The following ANKS1A variants were observed in gnomAD, a reference collection of about 807,000 sequenced individuals.
The protein encoded by ANKS1A is ankyrin repeat and sterile alpha motif domain containing 1A.
A neutral mutation model predicts 120.3 loss-of-function variants in ANKS1A; 55 were observed. That is an observed-to-expected ratio of 0.46 (90% CI 0.37 to 0.57). The LOEUF (loss-of-function observed/expected upper bound fraction) is 0.57. Among genes scored for constraint, ANKS1A ranks in the 20% least tolerant of loss-of-function variants. The probability of loss-of-function intolerance (pLI) is 0.00; values close to 1 mark genes in which losing one functional copy is unlikely to be tolerated. For missense variants in ANKS1A, 1,123 were observed against 1,480.3 expected (o/e 0.76, Z 3.96); for synonymous variants, 590 against 604.7 (o/e 0.98, Z 0.36).
At chr6:34,921,898 G>A in intron 1 of ANKS1A, among the ~76,000 whole-genome samples, 1 of 152,088 alleles carries the variant, frequency 6.6e-6, no homozygotes, top group East Asian at 1.9e-4. Flanking sequence ...GTCTCGCTAT[G>A]TTGCCCAGGC....
In ANKS1A at chr6:34,989,301, C is replaced by G; in HGVS notation, c.1287C>G (p.Pro429=). ...EEDHIDKKYF[P]LTASEVLSMR... ...ACCACATAGATAAGAAGTATTTTCC[C>G]TTGACAGCTTCTGAGGTAGAGGGTT... The change falls in exon 9 of 24, where the codon CCC becomes CCG. Residue 429 remains proline (P), a synonymous_variant. Transcript: ENST00000360359. 1 of 1,613,794 alleles carries G rather than the reference C, an allele frequency of 6.2e-7. No individual in the cohort carries two copies. The highest frequency in any genetic ancestry group is 1.3e-5 in the African/African-American group (1 of 75,046).
In ANKS1A at chr6:35,091,158, G is replaced by GTATT; in HGVS notation, c.*2551_*2554dup. On this transcript the variant is annotated 3_prime_UTR_variant, in exon 24 of 24. Coordinates refer to ENST00000360359, the MANE Select transcript of ANKS1A (RefSeq NM_015245.3). The stretch of plus-strand genomic sequence containing the variant: ...AAAATGTTATTTAATCTTTGTCTCT[G>GTATT]TATTTTGATACTTGAATGACTTTCC... 1 of 985,852 alleles carries GTATT rather than the reference G, an allele frequency of 1.0e-6. No individual in the cohort carries two copies. The highest frequency in any genetic ancestry group is 1.2e-6 in the Non-Finnish European group (1 of 829,936). 61.1% of individuals were successfully genotyped at this position (985,852 alleles called of 1,614,324 possible).
intron 12 of ANKS1A, among the ~76,000 whole-genome samples, chr6:35,054,914 T>C (rs1163971121): frequency 2.6e-5 from 4 of 152,218 alleles, no homozygotes; most frequent in Non-Finnish European, 4.4e-5. Flanking sequence ...CACTGGGGCA[T>C]CCAGGCTGAA....
intron 1 of ANKS1A, among the ~76,000 whole-genome samples, chr6:34,934,390 C>T (rs1026709512): frequency 2.8e-4 from 42 of 152,130 alleles, no homozygotes; most frequent in African/African-American, 9.7e-4. Context: ...CCTTGTGATC[C>T]GCCCGCCTCG....
chr6:35,087,000 T>TC lies in ANKS1A; in HGVS notation c.3354dup (p.Trp1119LeufsTer10), dbSNP rs1296358828. The TC allele has an allele frequency of 6.2e-7, 1 of 1,614,180 alleles. No homozygotes were observed. Among genetic ancestry groups the TC allele is most frequent in the Non-Finnish European group, 8.5e-7 (1 of 1,180,018 alleles). On this transcript the variant is annotated frameshift_variant, in exon 23 of 24. Coordinates refer to ENST00000360359, the MANE Select transcript of ANKS1A (RefSeq NM_015245.3). LOFTEE classifies it high-confidence loss of function. The surrounding 1 kb of genome is among the most constrained non-coding windows in gnomAD (Gnocchi z 5.1). ...AGATGCCCAATCCCATGCCAGTGTCTCCTGGGTTGTGGACCCCAAACCAGA... is the reference window on the plus strand; with the variant it reads ...AGATGCCCAATCCCATGCCAGTGTCTCCCTGGGTTGTGGACCCCAAACCAGA...
intron 23 of ANKS1A, among the ~76,000 whole-genome samples, chr6:35,087,998 C>T (rs1042930372): frequency 6.6e-6 from 1 of 152,254 alleles, no homozygotes; most frequent in Non-Finnish European, 1.5e-5. Context: ...CCTGCACACA[C>T]GGCGCACCTT....
chr6:35,087,119 C>T (rs567393061), intron 23 of ANKS1A, 70 bp downstream of exon 23: 15 of 1,469,552 alleles, frequency 1.0e-5, no homozygotes, highest in East Asian at 9.1e-5. Context: ...CTTTGCCATC[C>T]GATCTTTCTG....
chr6:35,051,202 A>G (rs1775945621), intron 11 of ANKS1A, among the ~76,000 whole-genome samples: 1 of 152,040 alleles, frequency 6.6e-6, no homozygotes, highest in African/African-American at 2.4e-5. Flanking sequence ...TCAAAGAAAA[A>G]AAAAAGAAAA....
chr6:35,085,934 G>A lies in ANKS1A; in HGVS notation c.3301G>A (p.Ala1101Thr), dbSNP rs143845391. ...PKPRVGVRKS[A>T]LEPPDMDQDA... Reference sequence around the variant, plus strand: ...GCCTCGGGTCGGCGTGAGGAAATCCGCAGTACGTGGGCCCCACTGGCCAAG... The same window carrying A: ...GCCTCGGGTCGGCGTGAGGAAATCCACAGTACGTGGGCCCCACTGGCCAAG... The change falls in exon 22 of 24, where the codon GCA (alanine) becomes ACA (threonine). Residue 1101 changes from alanine (A) to threonine (T), a missense_variant and splice_region_variant. Physicochemically the swap from Ala to Thr is moderately conservative, Grantham distance 58. Around this residue, in one of 3 missense-constraint regions of ANKS1A, gnomAD observed 904 missense variants for 1,130.4 expected, o/e 0.80. Transcript: ENST00000360359. This position sits in a 1 kb window ranked among gnomAD's most constrained non-coding sequence, Gnocchi z 4.7. 59 of 1,600,022 alleles carry A rather than the reference G, an allele frequency of 3.7e-5. No homozygotes were observed. Among genetic ancestry groups the A allele is most frequent in the Admixed American group, 6.8e-5 (4 of 59,156 alleles).
At position 35,082,732 on chromosome 6, in the gene ANKS1A, C is replaced by T; in HGVS notation, c.2751C>T (p.Ser917=). ...REAKLTLRPP[S]LAAPYAPVQS... ...CCAAGCTGACCCTGCGGCCCCCGAG[C>T]CTGGCAGCCCCCTACGCCCCAGTGC... The change falls in exon 18 of 24, where the codon AGC becomes AGT. Residue 917 remains serine, a synonymous_variant. Coordinates refer to ENST00000360359, the MANE Select transcript of ANKS1A (RefSeq NM_015245.3). The surrounding 1 kb of genome is among the most constrained non-coding windows in gnomAD (Gnocchi z 4.1). The T allele has an allele frequency of 6.2e-7, 1 of 1,613,572 alleles. No individual in the cohort carries two copies. The highest frequency in any genetic ancestry group is 8.5e-7 in the Non-Finnish European group (1 of 1,179,742).
intron 11 of ANKS1A, among the ~76,000 whole-genome samples, chr6:35,034,747 C>G (rs1239926267): frequency 6.6e-6 from 1 of 152,164 alleles, no homozygotes; most frequent in Non-Finnish European, 1.5e-5. Flanking sequence ...AATAAAACAT[C>G]ATAAATCTGA....
In ANKS1A at chr6:35,085,754, G is replaced by A; in HGVS notation, c.3133-12G>A. ...GAACCAGGTGCTTAAGTGGTGATCT[G>A]CTTCCTCCCAGAACCTGACCTACGA... On this transcript the variant is annotated splice_polypyrimidine_tract_variant and intron_variant, in intron 21 of 23. Transcript: ENST00000360359. The surrounding 1 kb of genome is among the most constrained non-coding windows in gnomAD (Gnocchi z 4.7). 1 of 1,570,406 alleles carries A rather than the reference G, an allele frequency of 6.4e-7. No individual in the cohort carries two copies. Among genetic ancestry groups the A allele is most frequent in the Non-Finnish European group, 8.6e-7 (1 of 1,158,408 alleles).
At chr6:34,915,202 C>T (rs545027226) in intron 1 of ANKS1A, among the ~76,000 whole-genome samples, 49 of 152,178 alleles carry the variant, frequency 3.2e-4, no homozygotes, top group Non-Finnish European at 6.3e-4. Context: ...AAGGCCATGT[C>T]TGTTTGTTTT....
At chr6:34,969,820 C>T (rs1561879023) in intron 2 of ANKS1A, among the ~76,000 whole-genome samples, 190 bp from the exon 3 acceptor site, 2 of 152,192 alleles carry the variant, frequency 1.3e-5, no homozygotes, top group Non-Finnish European at 2.9e-5. Context: ...CAAGGTGGTT[C>T]TGCTGCATAT....
chr6:34,944,510 G>T (rs1769689675), intron 1 of ANKS1A, among the ~76,000 whole-genome samples: 1 of 152,038 alleles, frequency 6.6e-6, no homozygotes, highest in Non-Finnish European at 1.5e-5. Context: ...CATCTTCTTT[G>T]GTGAGGTGTC....
At chr6:35,008,249 C>T (rs1773564178) in intron 10 of ANKS1A, among the ~76,000 whole-genome samples, 1 of 151,862 alleles carries the variant, frequency 6.6e-6, no homozygotes, top group Non-Finnish European at 1.5e-5. Context: ...GGGTCTCGCT[C>T]CATTGCTAGG....
chr6:34,937,184 A>T (rs1276702709), intron 1 of ANKS1A, among the ~76,000 whole-genome samples: 1 of 152,052 alleles, frequency 6.6e-6, no homozygotes, highest in Non-Finnish European at 1.5e-5. Context: ...GAATGCTTGG[A>T]TTCTGGTGGG....
intron 1 of ANKS1A, among the ~76,000 whole-genome samples, chr6:34,912,246 C>A (rs984803132): frequency 6.6e-6 from 1 of 152,132 alleles, no homozygotes; most frequent in African/African-American, 2.4e-5. Context: ...TTCACAGTTT[C>A]TTGTTTATTT....
chr6:35,083,059 G>T, intron 18 of ANKS1A, 96 bp from the exon 19 acceptor site: 1 of 1,466,004 alleles, frequency 6.8e-7, no homozygotes, highest in South Asian at 1.2e-5. Flanking sequence ...ATTGAGAGGG[G>T]TAACTACTTG....
Sources: gnomAD v4.1 joint callset for allele counts (sites outside exome capture counted in the v4.1 genomes callset) on GRCh38, gnomAD v4.1.1 for gene constraint, gnomAD v4.1.1 regional missense constraint, Gnocchi (gnomAD v3.1) non-coding constraint, MANE v1.5 for transcripts, NCBI Gene and HGNC (gene_info 2026-07-23, HGNC 2026-07-21) for gene names.